The following MTUS2 variants were observed in gnomAD, a reference collection of about 807,000 sequenced individuals.
MTUS2 encodes the protein microtubule associated scaffold protein 2, also known as microtubule-associated tumor suppressor candidate 2.
Under a neutral mutation model 114.1 loss-of-function variants are expected in MTUS2, and 40 were observed. The ratio of observed to expected loss-of-function variants is 0.35; its 90% CI spans 0.27 to 0.46. The LOEUF (loss-of-function observed/expected upper bound fraction) is 0.46. Among genes scored for constraint, MTUS2 ranks in the 20% least tolerant of loss-of-function variants. The pLI, the probability that MTUS2 is intolerant of heterozygous loss-of-function variation, is 1.00. For synonymous variants in MTUS2, 688 were observed against 672.0 expected, an observed-to-expected ratio of 1.02 and a Z score of -0.37; for missense variants, 1,679 against 1,705.4, an observed-to-expected ratio of 0.98 and a Z score of 0.27.
At chr13:28,960,952 A>G (rs1883299500) in intron 2 of MTUS2, among the ~76,000 whole-genome samples, 1 of 152,206 alleles carries the variant, frequency 6.6e-6, no homozygotes, top group Non-Finnish European at 1.5e-5. Flanking sequence ...GATGATATAA[A>G]GAAAAACCAA....
chr13:29,138,896 A>G lies in MTUS2; in HGVS notation c.2644+37926A>G, dbSNP rs540300244. 8.6e-4 allele frequency among the ~76,000 whole-genome samples: 131 copies of G among 152,332 alleles called. 1 individual carries two copies. Among genetic ancestry groups the G allele is most frequent in the African/African-American group, 3.0e-3 (125 of 41,576 alleles). ...ATCAGTTATTTAATAAGGTATTATT[A>G]TAGTAAATTTCTGAGTCATTTTAAT... On this transcript the variant is annotated intron_variant, in intron 5 of 15. Transcript: ENST00000612955.
chr13:29,444,569 G>A (rs977816502), intron 9 of MTUS2, among the ~76,000 whole-genome samples: 1 of 152,244 alleles, frequency 6.6e-6, no homozygotes, highest in African/African-American at 2.4e-5. Context: ...GTGAGGCCTG[G>A]GCCATTTTTT....
intron 2 of MTUS2, among the ~76,000 whole-genome samples, chr13:28,954,029 T>C (rs1233881299): frequency 6.6e-6 from 1 of 152,190 alleles, no homozygotes; most frequent in African/African-American, 2.4e-5. Flanking sequence ...GAAATAGATC[T>C]CAGTATAAGT....
In MTUS2 at chr13:29,503,049, A is replaced by G; in HGVS notation, c.3953A>G (p.Glu1318Gly). 1 of 1,614,208 alleles carries G rather than the reference A, an allele frequency of 6.2e-7. No homozygotes were observed. Residue 1318 changes from glutamate (E) to glycine (G), a missense_variant, in exon 16 of 16, where the codon GAG becomes GGG. This residue lies in a region of MTUS2 where 822 missense variants were observed against 899.7 expected (regional missense o/e 0.91). Coordinates refer to ENST00000612955, the MANE Select transcript of MTUS2 (RefSeq NM_001033602.4). ...LQEYVEKETQ[E>G]KKRLSRTNEE... The stretch of plus-strand genomic sequence containing the variant: ...GAATATGTTGAGAAGGAAACCCAGG[A>G]GAAGAAGAGATTGAGCCGAACCAAT...
At chr13:29,445,593 G>A (rs1013352135) in intron 9 of MTUS2, among the ~76,000 whole-genome samples, 15 of 152,248 alleles carry the variant, frequency 9.9e-5, no homozygotes, top group Admixed American at 4.6e-4. Flanking sequence ...CCTGAAGCCC[G>A]TTGAATCATG....
chr13:29,314,010 A>G (rs1899884051), intron 6 of MTUS2, among the ~76,000 whole-genome samples: 1 of 152,144 alleles, frequency 6.6e-6, no homozygotes, highest in African/African-American at 2.4e-5. Context: ...CTGTCAGGTA[A>G]TTTACCTCAT....
intron 4 of MTUS2, among the ~76,000 whole-genome samples, chr13:29,047,999 G>A: frequency 6.6e-6 from 1 of 151,940 alleles, no homozygotes; most frequent in East Asian, 1.9e-4. Flanking sequence ...TTCTTTTGAT[G>A]GCTGAATAAT....
chr13:28,993,199 A>G (rs75895023), intron 2 of MTUS2, among the ~76,000 whole-genome samples: 2,629 of 152,334 alleles, frequency 0.017, 80 homozygotes, highest in African/African-American at 0.059. Context: ...TGTAAACACA[A>G]GTATACCAAT....
intron 3 of MTUS2, among the ~76,000 whole-genome samples, chr13:29,030,189 A>G (rs1447133412): frequency 6.6e-6 from 1 of 151,960 alleles, no homozygotes; most frequent in Non-Finnish European, 1.5e-5. Flanking sequence ...TATTTTCTCT[A>G]CTTCATTATC....
intron 4 of MTUS2, among the ~76,000 whole-genome samples, chr13:29,088,327 T>A (rs952229027): frequency 1.1e-4 from 17 of 152,190 alleles, no homozygotes; most frequent in Admixed American, 1.1e-3. Flanking sequence ...TATTGTGTGA[T>A]CTCAGAGTGT....
intron 5 of MTUS2, among the ~76,000 whole-genome samples, chr13:29,184,047 A>C (rs9551610): frequency 2.6e-5 from 4 of 152,228 alleles, no homozygotes; most frequent in African/African-American, 9.6e-5. Flanking sequence ...CCATCAAGCC[A>C]TGTTACGTTT....
At chr13:29,228,276 T>G (rs942655350) in intron 5 of MTUS2, among the ~76,000 whole-genome samples, 2 of 152,180 alleles carry the variant, frequency 1.3e-5, no homozygotes, top group Admixed American at 6.5e-5. Context: ...CCAGATGATT[T>G]GAAGGGATTC....
chr13:29,259,757 A>G (rs1298422173), intron 5 of MTUS2, among the ~76,000 whole-genome samples: 2 of 152,240 alleles, frequency 1.3e-5, no homozygotes, highest in African/African-American at 2.4e-5. Flanking sequence ...GACATTTTCT[A>G]TTAAAGAAGA....
At position 29,063,161 on chromosome 13, in the gene MTUS2, T is replaced by A. The variant is rs146224731; in HGVS notation, c.2446+29036T>A. ...TTCTAAGAAGTAAAAAGGCAGTACT[T>A]TTCTACACTGCCTTTTTAGTAGATT... On this transcript the variant is annotated intron_variant, in intron 4 of 15. Transcript: ENST00000612955. Among the ~76,000 whole-genome samples, 142 of 152,334 alleles carry A rather than the reference T, an allele frequency of 9.3e-4. 1 individual carries two copies. Among genetic ancestry groups the A allele is most frequent in the Non-Finnish European group, 1.7e-3 (118 of 68,040 alleles).
intron 5 of MTUS2, among the ~76,000 whole-genome samples, chr13:29,111,429 G>C (rs1890879996): frequency 6.6e-6 from 1 of 152,128 alleles, no homozygotes; most frequent in African/African-American, 2.4e-5. Flanking sequence ...TGGATTATTA[G>C]TCCAGTACCA....
At chr13:29,058,081 A>G (rs1265377750) in intron 4 of MTUS2, among the ~76,000 whole-genome samples, 1 of 151,926 alleles carries the variant, frequency 6.6e-6, no homozygotes, top group Non-Finnish European at 1.5e-5. Flanking sequence ...CTTGGTTGGA[A>G]TTTATTTTCT....
At position 29,389,298 on chromosome 13, in the gene MTUS2, T is replaced by C. The variant is rs1444503134; in HGVS notation, c.3117+29825T>C. ...GTATATATGTATACACATATGTGTGTATATGTGTATATATGTATACACATA... is the reference window on the plus strand; with the variant it reads ...GTATATATGTATACACATATGTGTGCATATGTGTATATATGTATACACATA... On this transcript the variant is annotated intron_variant, in intron 8 of 15. Transcript: ENST00000612955. Among the ~76,000 whole-genome samples, 4 of 143,998 alleles carry C rather than the reference T, an allele frequency of 2.8e-5. 1 individual carries two copies. Among genetic ancestry groups the C allele is most frequent in the East Asian group, 2.0e-4 (1 of 5,070 alleles). 94.5% of individuals were successfully genotyped at this position (143,998 alleles called of 152,430 possible).
chr13:29,012,691 G>A (rs189622706), intron 2 of MTUS2, among the ~76,000 whole-genome samples: 438 of 152,102 alleles, frequency 2.9e-3, no homozygotes, highest in Non-Finnish European at 5.1e-3. Flanking sequence ...GGCTAACACG[G>A]TGCAACCCCC....
At chr13:28,943,968 A>G (rs1476906376) in intron 2 of MTUS2, among the ~76,000 whole-genome samples, 1 of 152,118 alleles carries the variant, frequency 6.6e-6, no homozygotes. Flanking sequence ...TTTGCTAAAA[A>G]TATTTTTTCC....
Sources: gnomAD v4.1 joint callset for allele counts (sites outside exome capture counted in the v4.1 genomes callset) on GRCh38, gnomAD v4.1.1 for gene constraint, gnomAD v4.1.1 regional missense constraint, MANE v1.5 for transcripts, NCBI Gene and HGNC (gene_info 2026-07-23, HGNC 2026-07-21) for gene names.